Variants in SNX24 observed in about 807,000 individuals in gnomAD.
SNX24 encodes sorting nexin-24.
Under a neutral mutation model 28.7 loss-of-function variants are expected in SNX24, and 22 were observed. That is an observed-to-expected ratio of 0.77 (90% CI 0.55 to 1.10). SNX24 has a LOEUF of 1.10. SNX24 is among the 50% of genes least tolerant of loss of function. The pLI, the probability that SNX24 is intolerant of heterozygous loss-of-function variation, is 0.00. For missense variants in SNX24, 221 were observed against 201.1 expected, an observed-to-expected ratio of 1.10 and a Z score of -0.60; for synonymous variants, 69 against 71.5, an observed-to-expected ratio of 0.96 and a Z score of 0.18.
At position 122,943,217 on chromosome 5, in the gene SNX24, T is replaced by C. The variant is rs190930535; in HGVS notation, c.145-2838T>C. The stretch of plus-strand genomic sequence containing the variant: ...TATCAGTTTCCCCCTCAATACTGAA[T>C]CAGTCTCATCACTATATGAACCTAT... On this transcript the variant is annotated intron_variant, in intron 2 of 6. Transcript: ENST00000261369. 3.9e-3 allele frequency among the ~76,000 whole-genome samples: 598 copies of C among 152,294 alleles called. 5 individuals carry two copies. The highest frequency in any genetic ancestry group is 9.3e-3 in the South Asian group (45 of 4,822).
At chr5:123,029,309 C>A in exon 6 of SNX24, 1 of 1,614,108 alleles carries the variant, frequency 6.2e-7, no homozygotes, top group South Asian at 1.1e-5. Context: ...ACATACCTCT[C>A]CTGTTGCTAG....
chr5:123,009,682 A>G (rs1410377335), downstream of SNX24, among the ~76,000 whole-genome samples: 7 of 152,356 alleles, frequency 4.6e-5, no homozygotes, highest in East Asian at 1.3e-3. Context: ...TGTCAGGGTT[A>G]TTGAAGGAAC....
chr5:122,960,381 T>C (rs770247839), intron 3 of SNX24, among the ~76,000 whole-genome samples: 1 of 152,184 alleles, frequency 6.6e-6, no homozygotes, highest in Non-Finnish European at 1.5e-5. Context: ...ACTACAAAAT[T>C]TTTAGTCCCT....
intron 1 of SNX24, among the ~76,000 whole-genome samples, chr5:122,919,899 A>G (rs1157218811): frequency 6.6e-6 from 1 of 152,156 alleles, no homozygotes. Flanking sequence ...ATGCCTTTAA[A>G]AGGGCCCAAT....
intron 1 of SNX24, among the ~76,000 whole-genome samples, chr5:122,899,819 G>A (rs1213464632): frequency 1.3e-5 from 2 of 152,186 alleles, no homozygotes; most frequent in African/African-American, 4.8e-5. Flanking sequence ...CCAAGGCAGT[G>A]TATGCTCTTG....
chr5:122,854,756 A>G (rs1755105413), intron 1 of SNX24, among the ~76,000 whole-genome samples: 1 of 152,152 alleles, frequency 6.6e-6, no homozygotes. Context: ...CTGTACAGGT[A>G]TACCTCAGAG....
chr5:122,894,277 C>T (rs1757108109), intron 1 of SNX24, among the ~76,000 whole-genome samples: 1 of 152,122 alleles, frequency 6.6e-6, no homozygotes, highest in Non-Finnish European at 1.5e-5. Context: ...CTGGTTTGTA[C>T]TTCTTGTGTT....
intron 3 of SNX24, among the ~76,000 whole-genome samples, chr5:122,949,000 G>A (rs1002110304): frequency 6.6e-6 from 1 of 152,100 alleles, no homozygotes; most frequent in Non-Finnish European, 1.5e-5. Flanking sequence ...TCAATAACTT[G>A]AATAGCAAAA....
chr5:122,880,046 G>A (rs1756407053), intron 1 of SNX24, among the ~76,000 whole-genome samples: 1 of 152,146 alleles, frequency 6.6e-6, no homozygotes, highest in Non-Finnish European at 1.5e-5. Flanking sequence ...ATGGAATGTT[G>A]AAGTCTGAGT....
chr5:122,931,109 T>C (rs1415384383), intron 1 of SNX24, among the ~76,000 whole-genome samples: 2 of 152,216 alleles, frequency 1.3e-5, no homozygotes, highest in African/African-American at 4.8e-5. Context: ...TTAAAAACTT[T>C]TTAAAATTTC....
At chr5:122,992,200 G>A (rs936733978) in intron 3 of SNX24, among the ~76,000 whole-genome samples, 1 of 152,154 alleles carries the variant, frequency 6.6e-6, no homozygotes, top group African/African-American at 2.4e-5. Context: ...TAGTTAAGAA[G>A]CAGTTTAGAG....
downstream of SNX24, chr5:123,009,333 TGATAA>T (rs1762514723): frequency 2.2e-6 from 1 of 452,812 alleles, no homozygotes; most frequent in Non-Finnish European, 2.9e-6. Context: ...ATTTCTAATA[TGATAA>T]GATAAATTAT....
At chr5:122,861,897 C>G (rs1381596052) in intron 1 of SNX24, among the ~76,000 whole-genome samples, 1 of 152,292 alleles carries the variant, frequency 6.6e-6, no homozygotes, top group East Asian at 1.9e-4. Context: ...ACCCTTTTCT[C>G]TATTTCTTGC....
intron 1 of SNX24, among the ~76,000 whole-genome samples, chr5:122,895,707 C>G (rs1406446809): frequency 1.3e-5 from 2 of 152,254 alleles, no homozygotes; most frequent in African/African-American, 2.4e-5. Context: ...CCCTGCCACC[C>G]TCACCATGTT....
intron 3 of SNX24, among the ~76,000 whole-genome samples, chr5:122,987,801 T>G (rs1359930808): frequency 6.6e-6 from 1 of 152,184 alleles, no homozygotes; most frequent in African/African-American, 2.4e-5. Flanking sequence ...TGGAACTTAT[T>G]GGCCCACAGA....
intron 1 of SNX24, among the ~76,000 whole-genome samples, chr5:122,880,336 A>C (rs1447400732): frequency 6.6e-6 from 1 of 152,158 alleles, no homozygotes; most frequent in East Asian, 1.9e-4. Context: ...AGATTATCCG[A>C]ATGAAGAGGT....
intron 6 of SNX24, among the ~76,000 whole-genome samples, chr5:123,003,931 G>C (rs1375257279): frequency 1.3e-5 from 2 of 152,200 alleles, no homozygotes; most frequent in African/African-American, 4.8e-5. Context: ...GACCAATCCA[G>C]TTTCACGAAT....
intron 3 of SNX24, among the ~76,000 whole-genome samples, chr5:122,988,884 G>C (rs1049585186): frequency 6.6e-6 from 1 of 151,860 alleles, no homozygotes; most frequent in East Asian, 1.9e-4. Context: ...GAACCTAATT[G>C]CTTTTTTATT....
intron 3 of SNX24, among the ~76,000 whole-genome samples, chr5:122,976,315 C>T (rs1761162749): frequency 6.9e-6 from 1 of 143,976 alleles, no homozygotes; most frequent in African/African-American, 2.6e-5. Flanking sequence ...AAAAAACAGG[C>T]AAAAAGATCT....
Sources: allele counts gnomAD v4.1 joint callset (sites outside exome capture counted in the v4.1 genomes callset), GRCh38; gene constraint gnomAD v4.1.1; transcripts MANE v1.5; gene names NCBI Gene and HGNC (gene_info 2026-07-23, HGNC 2026-07-21).